Variants in MTMR3 observed in about 807,000 individuals in gnomAD.
MTMR3 encodes the protein myotubularin related protein 3, also known as phosphatidylinositol-3,5-bisphosphate 3-phosphatase MTMR3.
A neutral mutation model predicts 132.4 loss-of-function variants in MTMR3; 32 were observed. That is an observed-to-expected ratio of 0.24 (90% CI 0.18 to 0.32). The LOEUF (loss-of-function observed/expected upper bound fraction) is 0.32, where lower values mean the gene tolerates loss of function less well. MTMR3 is among the 10% of genes least tolerant of loss of function. The pLI is 1.00. For missense variants in MTMR3, 1,216 were observed against 1,489.6 expected, an observed-to-expected ratio of 0.82 and a Z score of 3.02; for synonymous variants, 556 against 550.3, an observed-to-expected ratio of 1.01 and a Z score of -0.14.
At chr22:29,993,771 A>T (rs1439232788) in intron 7 of MTMR3, 2 of 152,170 alleles carry the variant, frequency 1.3e-5, no homozygotes, top group Non-Finnish European at 2.9e-5. Context: ...CTGAGGTGGG[A>T]TGACTTTGGT....
At chr22:30,013,742 G>C (rs974286135) in intron 14 of MTMR3, 2 of 493,494 alleles carry the variant, frequency 4.1e-6, no homozygotes, top group Non-Finnish European at 7.0e-6. Context: ...TTTGCATGAA[G>C]TCCTTGTGTT....
intron 6 of MTMR3, chr22:29,990,369 C>T (rs5763674): frequency 0.78 from 119,136 of 152,138 alleles, 47,077 homozygotes; most frequent in East Asian, 0.92. Flanking sequence ...TGTTGGCATA[C>T]TGATGAGCCA....
chr22:29,978,466 G>C lies in MTMR3; in HGVS notation c.28G>C (p.Glu10Gln), dbSNP rs1270311936. Reference sequence around the variant, plus strand: ...GGATGAAGAGACTCGGCACAGCCTTGAGTGCATCCAGGCCAATCAGATCTT... The same window carrying C: ...GGATGAAGAGACTCGGCACAGCCTTCAGTGCATCCAGGCCAATCAGATCTT... MDEETRHSL[E>Q]CIQANQIFPR... is the part of the protein sequence containing the mutation. The change falls in exon 4 of 20, where the codon GAG (glutamate) becomes CAG (glutamine). Residue 10 changes from glutamate (E) to glutamine (Q), a missense_variant. Coordinates refer to ENST00000401950, the MANE Select transcript of MTMR3 (RefSeq NM_021090.4). The C allele has an allele frequency of 6.2e-7, 1 of 1,613,636 alleles. No individual in the cohort carries two copies. The highest frequency in any genetic ancestry group is 8.5e-7 in the Non-Finnish European group (1 of 1,179,672).
At chr22:30,005,363 T>C (rs1343298562) in intron 9 of MTMR3, 1 of 152,210 alleles carries the variant, frequency 6.6e-6, no homozygotes, top group East Asian at 1.9e-4. Flanking sequence ...TGAAATCTAA[T>C]AGCTACTATA....
chr22:29,951,124 C>T (rs184414915), intron 1 of MTMR3, among the ~76,000 whole-genome samples: 32 of 151,976 alleles, frequency 2.1e-4, no homozygotes, highest in East Asian at 9.7e-4. Context: ...GCACTCCAGC[C>T]TGGCCATAGA....
rs751725125 is a variant in MTMR3 at position 30,020,581 on chromosome 22, G to C, written c.2922G>C (p.Leu974=). 2.5e-6 allele frequency: 4 copies of C among 1,614,224 alleles called. No homozygotes were observed. The highest frequency in any genetic ancestry group is 3.4e-6 in the Non-Finnish European group (4 of 1,180,044). Residue 974 remains leucine (L), a synonymous_variant, in exon 17 of 20, where the codon CTG becomes CTC. Coordinates refer to ENST00000401950, the MANE Select transcript of MTMR3 (RefSeq NM_021090.4). The stretch of plus-strand genomic sequence containing the variant: ...GCAAGGACTCACTGAGCCGTCAGCT[G>C]TCTGCTATGAGCTGCAGCTCTGCCC... ...GRSKDSLSRQ[L]SAMSCSSAHL...
At chr22:29,932,504 A>G (rs1258883240) in intron 1 of MTMR3, among the ~76,000 whole-genome samples, 1 of 152,190 alleles carries the variant, frequency 6.6e-6, no homozygotes, top group Non-Finnish European at 1.5e-5. Flanking sequence ...CTGGGAAGGC[A>G]CGGAAGTGAT....
At chr22:29,937,472 A>G (rs898564954) in intron 1 of MTMR3, among the ~76,000 whole-genome samples, 11 of 151,626 alleles carry the variant, frequency 7.3e-5, no homozygotes, top group African/African-American at 2.2e-4. Flanking sequence ...ATGAAGTGCA[A>G]GCAGCACAAT....
chr22:29,992,460 C>T (rs1159587712), intron 7 of MTMR3: 2 of 152,128 alleles, frequency 1.3e-5, no homozygotes, highest in African/African-American at 4.8e-5. Context: ...CCTGACTCCT[C>T]TATAGTCTTT....
Position 29,953,077 on chromosome 22 carries a change from A to G in MTMR3, c.-137-3959A>G, listed in dbSNP as rs150781534. ...GTTTCTTAATATTAAATGCATGTGT[A>G]AAAAAATCTATTTTAACAGCGAAAG... On this transcript the variant is annotated intron_variant, in intron 1 of 19. Transcript: ENST00000401950. 5.3e-5 allele frequency among the ~76,000 whole-genome samples: 8 copies of G among 152,284 alleles called. No individual in the cohort carries two copies. The East Asian group carries it at 1.5e-3, about 29-fold the overall frequency.
chr22:29,906,866 C>G (rs2065113945), intron 1 of MTMR3, among the ~76,000 whole-genome samples: 1 of 151,692 alleles, frequency 6.6e-6, no homozygotes, highest in Admixed American at 6.6e-5. Flanking sequence ...TCACTTGAGG[C>G]CAGGAGTTCG....
chr22:30,006,987 G>C (rs1029818824), intron 9 of MTMR3, 127 bp from the exon 10 acceptor site: 7 of 869,416 alleles, frequency 8.1e-6, no homozygotes, highest in Non-Finnish European at 1.1e-5. Context: ...TTAATACTGA[G>C]AGGACTTGAA....
rs527819555 is a variant in MTMR3, at chr22:29,970,916, C to T, written c.-84-60C>T. 6 of 729,056 alleles carry T rather than the reference C, an allele frequency of 8.2e-6. No homozygotes were observed. The East Asian group carries it at 1.4e-4, about 17-fold the overall frequency. The allele number at this position is 729,056 out of a possible 1,614,324, so 45.2% of individuals were successfully genotyped here. A position where few individuals can be genotyped will look rare whatever the true frequency, so the allele number is the denominator to read the frequency against. ...GGCCGATTAGGGGAAAAACTATTGCCAATTTTGCCTCCCCTCCTCTTTTTT... is the reference window on the plus strand; with the variant it reads ...GGCCGATTAGGGGAAAAACTATTGCTAATTTTGCCTCCCCTCCTCTTTTTT... On this transcript the variant is annotated intron_variant, in intron 2 of 19. Transcript: ENST00000401950.
At chr22:29,890,552 C>T (rs2064776906) in intron 1 of MTMR3, among the ~76,000 whole-genome samples, 1 of 151,802 alleles carries the variant, frequency 6.6e-6, no homozygotes, top group Non-Finnish European at 1.5e-5. Context: ...TTAGGTCAAA[C>T]GGTACGTGTG....
At chr22:29,958,092 C>T (rs772871839) in intron 2 of MTMR3, among the ~76,000 whole-genome samples, 3 of 138,564 alleles carry the variant, frequency 2.2e-5, no homozygotes, top group Non-Finnish European at 5.0e-5. Flanking sequence ...CAGGGGATTA[C>T]TGTAGTGCAA....
chr22:29,938,493 C>T (rs969249087), intron 1 of MTMR3, among the ~76,000 whole-genome samples: 1 of 152,236 alleles, frequency 6.6e-6, no homozygotes, highest in Non-Finnish European at 1.5e-5. Context: ...GTATTCAGAC[C>T]TTTCCAAAAT....
intron 1 of MTMR3, among the ~76,000 whole-genome samples, chr22:29,894,812 C>T (rs1249835363): frequency 5.3e-5 from 8 of 152,180 alleles, no homozygotes; most frequent in African/African-American, 1.9e-4. Context: ...GTTTACTGCA[C>T]ACTTGTAGTG....
intron 14 of MTMR3, 84 bp from the exon 15 acceptor site, chr22:30,016,443 GT>G: frequency 6.9e-7 from 1 of 1,458,556 alleles, no homozygotes; most frequent in South Asian, 1.3e-5. Flanking sequence ...TCTCAGGGAT[GT>G]TAGGATAAGG....
intron 1 of MTMR3, among the ~76,000 whole-genome samples, chr22:29,896,419 T>G (rs1371055223): frequency 2.0e-5 from 3 of 152,176 alleles, no homozygotes; most frequent in Non-Finnish European, 4.4e-5. Context: ...TCTCGTGTAG[T>G]TGTAAGAGGA....
Sources: gnomAD v4.1 joint callset for allele counts (sites outside exome capture counted in the v4.1 genomes callset) on GRCh38, gnomAD v4.1.1 for gene constraint, MANE v1.5 for transcripts, NCBI Gene and HGNC (gene_info 2026-07-23, HGNC 2026-07-21) for gene names.